The following INVS variants were observed in gnomAD, a reference collection of about 807,000 sequenced individuals.
INVS encodes the protein inversion of embryo turning homolog.
INVS carries 86 observed loss-of-function variants against 108.8 expected under a neutral mutation model. The ratio of observed to expected loss-of-function variants is 0.79; its 90% CI spans 0.66 to 0.95. The LOEUF (loss-of-function observed/expected upper bound fraction) is 0.95, where lower values mean the gene tolerates loss of function less well. INVS is among the 40% of genes least tolerant of loss of function. The pLI, the probability that INVS is intolerant of heterozygous loss-of-function variation, is 0.00. For synonymous variants in INVS, 455 were observed against 473.5 expected, an observed-to-expected ratio of 0.96 and a Z score of 0.51; for missense variants, 1,169 against 1,297.4, an observed-to-expected ratio of 0.90 and a Z score of 1.52.
chr9:100,248,468 A>T (rs1588120220), intron 8 of INVS, among the ~76,000 whole-genome samples: 2 of 148,734 alleles, frequency 1.3e-5, no homozygotes, highest in South Asian at 2.1e-4. Flanking sequence ...TCATCCCTCT[A>T]CAGGGTTTTT....
chr9:100,145,481 G>A (rs1433046825), intron 3 of INVS, among the ~76,000 whole-genome samples: 1 of 151,956 alleles, frequency 6.6e-6, no homozygotes, highest in Admixed American at 6.6e-5. Flanking sequence ...ACAGAGATAA[G>A]AGGTTGGGGC....
intron 3 of INVS, among the ~76,000 whole-genome samples, chr9:100,146,228 G>C (rs1011188499): frequency 6.6e-6 from 1 of 152,182 alleles, no homozygotes; most frequent in Non-Finnish European, 1.5e-5. Context: ...AGTGAAGGAA[G>C]ATGGGGTGGG....
intron 12 of INVS, among the ~76,000 whole-genome samples, chr9:100,279,932 T>TC (rs1237323567): frequency 6.6e-6 from 1 of 152,126 alleles, no homozygotes; most frequent in Non-Finnish European, 1.5e-5. Context: ...CTTCCATAAC[T>TC]CCAACTGTGC....
intron 3 of INVS, among the ~76,000 whole-genome samples, chr9:100,153,157 T>A (rs1277384314): frequency 6.6e-6 from 1 of 151,682 alleles, no homozygotes; most frequent in Non-Finnish European, 1.5e-5. Context: ...AGGAAAACTT[T>A]CTATCTGCAA....
chr9:100,265,038 G>A (rs1832746452), intron 11 of INVS, 110 bp downstream of exon 11: 1 of 741,010 alleles, frequency 1.3e-6, no homozygotes, highest in African/African-American at 1.8e-5. Context: ...CGCCTCCTGG[G>A]TTCAAGCAAT....
chr9:100,295,115 A>G (rs1833750849), intron 14 of INVS, among the ~76,000 whole-genome samples: 1 of 152,168 alleles, frequency 6.6e-6, no homozygotes, highest in African/African-American at 2.4e-5. Flanking sequence ...AAAATCTAGG[A>G]TCTAAACAAG....
At chr9:100,129,637 T>G in intron 3 of INVS, 1 of 639,806 alleles carries the variant, frequency 1.6e-6, no homozygotes, top group East Asian at 2.8e-5. Flanking sequence ...CAAAAAAATC[T>G]GTAAAAACTG....
At chr9:100,289,856 T>A (rs377456403) in intron 13 of INVS, among the ~76,000 whole-genome samples, 38 of 152,316 alleles carry the variant, frequency 2.5e-4, no homozygotes, top group African/African-American at 8.7e-4. Flanking sequence ...TGGACATAAG[T>A]TTTCAACTTA....
At position 100,279,562 on chromosome 9, in the gene INVS, GAGCAC is replaced by G. The variant is rs576989759; in HGVS notation, c.1785-4756_1785-4752del. 7.2e-5 allele frequency among the ~76,000 whole-genome samples: 11 copies of G among 152,284 alleles called. No homozygotes were observed. The South Asian group carries it at 2.3e-3, about 32-fold the overall frequency. ...TATTACCCTCAAAACTAACAGAACA[GAGCAC>G]ACCAATATTCTCCTAAATCCTTGAG... On this transcript the variant is annotated intron_variant, in intron 12 of 16. Coordinates refer to ENST00000262457, the MANE Select transcript of INVS (RefSeq NM_014425.5).
chr9:100,278,525 G>T (rs1472917908), intron 12 of INVS, among the ~76,000 whole-genome samples: 1 of 152,144 alleles, frequency 6.6e-6, no homozygotes, highest in Non-Finnish European at 1.5e-5. Context: ...TGAGAACAGG[G>T]ACTGTGTGTT....
At chr9:100,254,422 T>G (rs553129090) in intron 10 of INVS, among the ~76,000 whole-genome samples, 126 of 152,202 alleles carry the variant, frequency 8.3e-4, no homozygotes, top group Non-Finnish European at 1.5e-3. Context: ...TTAGTTTAAT[T>G]AGATCCCATT....
intron 10 of INVS, among the ~76,000 whole-genome samples, chr9:100,254,961 T>A (rs546463555): frequency 1.6e-4 from 25 of 152,330 alleles, no homozygotes; most frequent in African/African-American, 5.5e-4. Flanking sequence ...AAGAAAGTCA[T>A]TGGTAGCTTG....
chr9:100,103,063 C>T (rs905996489), intron 1 of INVS, among the ~76,000 whole-genome samples: 200 of 152,168 alleles, frequency 1.3e-3, no homozygotes, highest in African/African-American at 2.3e-3. Flanking sequence ...ATGTTGGCCA[C>T]GCTGGTCTCG....
At chr9:100,227,858 G>A (rs978732418) in intron 4 of INVS, among the ~76,000 whole-genome samples, 1 of 152,140 alleles carries the variant, frequency 6.6e-6, no homozygotes. Flanking sequence ...TGTAGCCAAG[G>A]ATCATCATTT....
intron 3 of INVS, among the ~76,000 whole-genome samples, chr9:100,147,261 C>T (rs1828649012): frequency 6.6e-6 from 1 of 152,158 alleles, no homozygotes; most frequent in Non-Finnish European, 1.5e-5. Context: ...TCTTGAACCA[C>T]AAACATAAAG....
intron 14 of INVS, among the ~76,000 whole-genome samples, chr9:100,293,756 T>C (rs1334353749): frequency 6.6e-6 from 1 of 152,214 alleles, no homozygotes; most frequent in African/African-American, 2.4e-5. Flanking sequence ...GTCTTATTGC[T>C]ACAAATGTTC....
chr9:100,233,162 G>A (rs1299927883), intron 5 of INVS, among the ~76,000 whole-genome samples: 1 of 152,042 alleles, frequency 6.6e-6, no homozygotes, highest in Non-Finnish European at 1.5e-5. Flanking sequence ...CTCATGATTT[G>A]CTCTTTGTTT....
chr9:100,175,135 A>G (rs1829668767), intron 3 of INVS: 1 of 334,988 alleles, frequency 3.0e-6, no homozygotes, highest in Non-Finnish European at 5.7e-6. Context: ...CCTTTTTTAC[A>G]GTCCAGCTCT....
chr9:100,272,671 C>G (rs1291288581), intron 11 of INVS, among the ~76,000 whole-genome samples, 193 bp from the exon 12 acceptor site: 1 of 152,116 alleles, frequency 6.6e-6, no homozygotes, highest in East Asian at 1.9e-4. Context: ...GACCCACAGT[C>G]ATAGTCAACC....
Sources: allele counts gnomAD v4.1 joint callset (sites outside exome capture counted in the v4.1 genomes callset), GRCh38; gene constraint gnomAD v4.1.1; transcripts MANE v1.5; gene names NCBI Gene and HGNC (gene_info 2026-07-23, HGNC 2026-07-21).